The following GSG1L variants were observed in gnomAD, a reference collection of about 807,000 sequenced individuals.
The protein encoded by GSG1L is GSG1 like, also known as germ cell-specific gene 1-like protein.
In GSG1L, 24 loss-of-function variants were observed where a neutral mutation model predicts 42.1. The observed-to-expected ratio is 0.57, with a 90% CI of 0.41 to 0.80. GSG1L has a LOEUF of 0.80. Among genes scored for constraint, GSG1L ranks in the 30% least tolerant of loss-of-function variants. GSG1L has a pLI of 0.00. For missense variants in GSG1L, 445 were observed against 472.2 expected, an observed-to-expected ratio of 0.94 and a Z score of 0.53; for synonymous variants, 215 against 203.5, an observed-to-expected ratio of 1.06 and a Z score of -0.48.
chr16:27,836,550 T>C (rs1250590789), intron 4 of GSG1L, among the ~76,000 whole-genome samples: 2 of 152,176 alleles, frequency 1.3e-5, no homozygotes, highest in African/African-American at 2.4e-5. Context: ...TTTAAGTTTA[T>C]TTTCTCTCTG....
intron 2 of GSG1L, among the ~76,000 whole-genome samples, chr16:27,894,873 T>C (rs705919): frequency 0.38 from 57,997 of 151,988 alleles, 13,007 homozygotes; most frequent in East Asian, 0.5. Context: ...GGCTATTTCC[T>C]GTTGTGTGTC....
intron 1 of GSG1L, among the ~76,000 whole-genome samples, chr16:28,057,398 G>A (rs769150791): frequency 5.9e-5 from 9 of 152,118 alleles, no homozygotes; most frequent in Admixed American, 2.6e-4. Flanking sequence ...AGGGAAGGGC[G>A]GCAATTCGTG....
chr16:27,839,467 CA>C (rs1338692760), intron 4 of GSG1L, among the ~76,000 whole-genome samples: 2 of 152,202 alleles, frequency 1.3e-5, no homozygotes, highest in South Asian at 2.1e-4. Context: ...AAAACAGAAG[CA>C]GAAAGCGCAA....
At chr16:27,883,749 T>C (rs1243521047) in intron 3 of GSG1L, among the ~76,000 whole-genome samples, 1 of 152,222 alleles carries the variant, frequency 6.6e-6, no homozygotes. Flanking sequence ...CTTCCTTTAT[T>C]CCCTTCCTGC....
intron 3 of GSG1L, among the ~76,000 whole-genome samples, chr16:27,874,564 C>T (rs939794356): frequency 6.7e-6 from 1 of 150,166 alleles, no homozygotes; most frequent in African/African-American, 2.4e-5. Flanking sequence ...AATCCTCCCA[C>T]CTCAGCCTAC....
intron 2 of GSG1L, among the ~76,000 whole-genome samples, chr16:27,902,738 T>A (rs1393403744): frequency 1.3e-5 from 2 of 152,120 alleles, no homozygotes; most frequent in African/African-American, 2.4e-5. Flanking sequence ...TGGGCGTTAT[T>A]TAAATCTGGC....
chr16:27,994,425 C>A (rs979853237), intron 1 of GSG1L, among the ~76,000 whole-genome samples: 1 of 152,168 alleles, frequency 6.6e-6, no homozygotes, highest in South Asian at 2.1e-4. Flanking sequence ...CAGTTTTCTG[C>A]AAGCCTGTCT....
chr16:27,823,524 A>G (rs2083172006), intron 5 of GSG1L, among the ~76,000 whole-genome samples: 1 of 152,102 alleles, frequency 6.6e-6, no homozygotes, highest in East Asian at 1.9e-4. Context: ...CCCGCAGGGC[A>G]CTACCTTGTC....
rs2084640727 is a variant in GSG1L at position 27,930,266 on chromosome 16, C to T, written c.397+32890G>A. On this transcript the variant is annotated intron_variant, in intron 2 of 6. Transcript: ENST00000447459. Reference sequence around the variant, plus strand: ...CTAGGTGCTGTTCTCATCGTTTTTCCTGTGATGCCTCACTGGCCCCACATG... The same window carrying T: ...CTAGGTGCTGTTCTCATCGTTTTTCTTGTGATGCCTCACTGGCCCCACATG... Among the ~76,000 whole-genome samples, 3 of 152,204 alleles carry T rather than the reference C, an allele frequency of 2.0e-5. No homozygotes were observed. In the South Asian group the frequency reaches 6.2e-4, roughly 32 times the overall value.
chr16:28,023,547 G>A (rs1443873262), intron 1 of GSG1L, among the ~76,000 whole-genome samples: 1 of 152,132 alleles, frequency 6.6e-6, no homozygotes, highest in Non-Finnish European at 1.5e-5. Flanking sequence ...ATTGTGGTCG[G>A]GCCAGTTCCT....
At chr16:27,871,529 T>G (rs1016210451) in intron 3 of GSG1L, among the ~76,000 whole-genome samples, 2 of 151,920 alleles carry the variant, frequency 1.3e-5, no homozygotes, top group Non-Finnish European at 2.9e-5. Flanking sequence ...TCCCAGCTAC[T>G]CAGGAGGTTG....
intron 6 of GSG1L, among the ~76,000 whole-genome samples, chr16:27,799,817 T>C (rs1040819619): frequency 1.6e-4 from 25 of 152,140 alleles, no homozygotes; most frequent in African/African-American, 6.0e-4. Flanking sequence ...GAAGCAGCAA[T>C]TTCCATCTAG....
intron 2 of GSG1L, among the ~76,000 whole-genome samples, chr16:27,955,011 A>G (rs1836379030): frequency 6.6e-6 from 1 of 152,122 alleles, no homozygotes; most frequent in Non-Finnish European, 1.5e-5. Flanking sequence ...TGGGAAGTCC[A>G]TTGGCCAATA....
chr16:27,902,147 G>T lies in GSG1L; in HGVS notation c.398-17509C>A, dbSNP rs114904524. Among the ~76,000 whole-genome samples the T allele has an allele frequency of 2.8e-3, 419 of 152,306 alleles. 1 individual carries two copies. The highest frequency in any genetic ancestry group is 9.4e-3 in the African/African-American group (389 of 41,570). The stretch of plus-strand genomic sequence containing the variant: ...GATGTTGTCTGTCTGTCCAGCACCC[G>T]CTCCGGGAACCACATCTGGCTCTGG... On this transcript the variant is annotated intron_variant, in intron 2 of 6. Coordinates refer to ENST00000447459, the MANE Select transcript of GSG1L (RefSeq NM_001109763.2).
At chr16:27,911,403 G>A (rs2084390009) in intron 2 of GSG1L, among the ~76,000 whole-genome samples, 1 of 151,998 alleles carries the variant, frequency 6.6e-6, no homozygotes, top group Non-Finnish European at 1.5e-5. Flanking sequence ...CTATTCTCAT[G>A]CCTCAGCCTC....
chr16:27,954,354 T>C (rs893324968), intron 2 of GSG1L, among the ~76,000 whole-genome samples: 3 of 152,096 alleles, frequency 2.0e-5, no homozygotes, highest in Non-Finnish European at 4.4e-5. Context: ...ACTTAGCAGA[T>C]AGGAGAAGGC....
intron 5 of GSG1L, among the ~76,000 whole-genome samples, chr16:27,818,741 G>A (rs542416008): frequency 6.6e-6 from 1 of 152,176 alleles, no homozygotes; most frequent in Non-Finnish European, 1.5e-5. Flanking sequence ...ATAACATCAC[G>A]TAAAAAGGGT....
chr16:27,830,129 C>G (rs1362937983), intron 4 of GSG1L, among the ~76,000 whole-genome samples: 1 of 152,188 alleles, frequency 6.6e-6, no homozygotes, highest in East Asian at 1.9e-4. Flanking sequence ...CTGCCTGTTT[C>G]CTCTGATCAA....
chr16:27,947,538 AAG>A (rs1310148886), intron 2 of GSG1L, among the ~76,000 whole-genome samples: 4 of 134,184 alleles, frequency 3.0e-5, no homozygotes, highest in African/African-American at 1.2e-4. Context: ...AGAAAGAATG[AAG>A]GAAAGAAAGA....
Sources: allele counts gnomAD v4.1 joint callset (sites outside exome capture counted in the v4.1 genomes callset), GRCh38; gene constraint gnomAD v4.1.1; transcripts MANE v1.5; gene names NCBI Gene and HGNC (gene_info 2026-07-23, HGNC 2026-07-21).